Variants in HAT1 observed in about 807,000 individuals in gnomAD.
HAT1 encodes histone acetyltransferase 1.
A neutral mutation model predicts 56.6 loss-of-function variants in HAT1; 20 were observed. The ratio of observed to expected loss-of-function variants is 0.35; its 90% CI spans 0.25 to 0.51. The LOEUF (loss-of-function observed/expected upper bound fraction) is 0.51, where lower values mean the gene tolerates loss of function less well. Among genes scored for constraint, HAT1 ranks in the 20% least tolerant of loss-of-function variants. The pLI is 0.95. For missense variants in HAT1, 408 were observed against 504.3 expected (o/e 0.81, Z 1.83); for synonymous variants, 146 against 165.5 (o/e 0.88, Z 0.91).
Position 171,966,469 on chromosome 2 carries a change from C to T in HAT1, c.672C>T (p.Val224=). 6.3e-7 allele frequency: 1 copy of T among 1,597,088 alleles called. No individual in the cohort carries two copies. Among genetic ancestry groups the T allele is most frequent in the South Asian group, 1.1e-5 (1 of 90,750 alleles). ...TLFATVGYMT[V]YNYYVYPDKT... ...TTGCGACCGTAGGCTACATGACAGT[C>T]TATAATTACTATGTGTACCCAGACA... The change falls in exon 7 of 11, where the codon GTC becomes GTT. Residue 224 remains valine (V), a synonymous_variant. Coordinates refer to ENST00000264108, the MANE Select transcript of HAT1 (RefSeq NM_003642.4).
intron 3 of HAT1, among the ~76,000 whole-genome samples, chr2:171,947,738 G>A (rs1046368626): frequency 6.6e-6 from 1 of 152,144 alleles, no homozygotes; most frequent in Non-Finnish European, 1.5e-5. Flanking sequence ...AATTAGCCAG[G>A]TGTAGTGGCA....
chr2:171,940,000 G>A (rs970776966), intron 2 of HAT1, among the ~76,000 whole-genome samples: 1 of 151,980 alleles, frequency 6.6e-6, no homozygotes, highest in Non-Finnish European at 1.5e-5. Flanking sequence ...CAAACTCCTG[G>A]ACTCAGCGAT....
Position 171,965,791 on chromosome 2 carries a change from A to C in HAT1, c.494A>C (p.Asp165Ala), listed in dbSNP as rs369912305. 3 of 1,612,866 alleles carry C rather than the reference A, an allele frequency of 1.9e-6. No homozygotes were observed. The Admixed American group carries it at 5.0e-5, about 27-fold the overall frequency. ...TTTTCCTGGCTTTTTCCCTAGGCTG[A>C]CATGACATGTAGAGGCTTTCGAGAA... is the stretch of plus-strand genomic sequence containing the variant. ...ENFTFQIYKA[D>A]MTCRGFREYH... Residue 165 changes from aspartate to alanine, a missense_variant, in exon 6 of 11, where the codon GAC becomes GCC. Transcript: ENST00000264108.
chr2:171,946,804 T>C (rs1407474112), intron 3 of HAT1, 21 bp downstream of exon 3: 3 of 1,147,406 alleles, frequency 2.6e-6, no homozygotes, highest in Non-Finnish European at 3.8e-6. Flanking sequence ...TAGTAAAATA[T>C]TTGTCAAATT....
intron 2 of HAT1, among the ~76,000 whole-genome samples, chr2:171,935,562 G>A (rs1372830572): frequency 6.7e-6 from 1 of 150,366 alleles, no homozygotes; most frequent in East Asian, 1.9e-4. Flanking sequence ...TTAAGTCTTG[G>A]TGGGGGCTGA....
At chr2:171,965,282 CAT>C in intron 4 of HAT1, 54 bp from the exon 5 acceptor site, 1 of 1,029,170 alleles carries the variant, frequency 9.7e-7, no homozygotes, top group South Asian at 1.7e-5. Context: ...AGAAATAAAC[CAT>C]ATTCAACTTA....
chr2:171,940,527 G>A (rs1018821785), intron 2 of HAT1, among the ~76,000 whole-genome samples: 1 of 152,200 alleles, frequency 6.6e-6, no homozygotes, highest in East Asian at 1.9e-4. Context: ...CAGTAGTAAA[G>A]GGCTTCTTAG....
At chr2:171,978,495 C>T (rs1688045972) in intron 9 of HAT1, among the ~76,000 whole-genome samples, 1 of 152,166 alleles carries the variant, frequency 6.6e-6, no homozygotes, top group African/African-American at 2.4e-5. Flanking sequence ...TGCCCTTAGA[C>T]TAGAATTTTC....
At chr2:171,979,453 A>G in intron 10 of HAT1, 90 bp downstream of exon 10, 1 of 703,380 alleles carries the variant, frequency 1.4e-6, no homozygotes, top group Non-Finnish European at 2.6e-6. Context: ...GAGAGAGTCC[A>G]AGTCATTTTG....
intron 2 of HAT1, among the ~76,000 whole-genome samples, chr2:171,931,673 C>A (rs770630714): frequency 6.6e-6 from 1 of 151,714 alleles, no homozygotes; most frequent in Non-Finnish European, 1.5e-5. Context: ...GACTGTGTCT[C>A]GGGGGGGAAA....
chr2:171,976,069 C>A (rs1189825752), intron 8 of HAT1, 88 bp from the exon 9 acceptor site: 2 of 635,738 alleles, frequency 3.1e-6, no homozygotes, highest in African/African-American at 4.0e-5. Context: ...TCCTGAGCAG[C>A]CTAGCATATA....
chr2:171,933,161 A>G (rs1558963032), intron 2 of HAT1, among the ~76,000 whole-genome samples: 1 of 151,786 alleles, frequency 6.6e-6, no homozygotes. Context: ...GGCTCAAGTG[A>G]CCCTCTCACC....
chr2:171,935,534 A>AG (rs1232572002), intron 2 of HAT1, among the ~76,000 whole-genome samples: 1 of 149,672 alleles, frequency 6.7e-6, no homozygotes, highest in Non-Finnish European at 1.5e-5. Context: ...AAAAAAAAAA[A>AG]AAAAGACAAA....
rs1255519437 is a variant in HAT1 at position 171,970,337 on chromosome 2, C to G, written c.823+3388C>G. On this transcript the variant is annotated intron_variant, in intron 8 of 10. Transcript: ENST00000264108. ...TCGGGAGGCTGAGGCAGGAGAATCA[C>G]TTGAACCTGTGAGCCGAGATCCTGC... 2.0e-5 allele frequency among the ~76,000 whole-genome samples: 3 copies of G among 151,446 alleles called. No homozygotes were observed. In the East Asian group the frequency reaches 5.9e-4, roughly 30 times the overall value.
At chr2:171,938,317 T>G (rs1362444929) in intron 2 of HAT1, among the ~76,000 whole-genome samples, 1 of 152,102 alleles carries the variant, frequency 6.6e-6, no homozygotes, top group Non-Finnish European at 1.5e-5. Flanking sequence ...GTCCCCAACT[T>G]TTTTGGCACC....
At chr2:171,926,460 AT>A (rs974519519) in intron 2 of HAT1, among the ~76,000 whole-genome samples, 1 of 151,942 alleles carries the variant, frequency 6.6e-6, no homozygotes, top group Admixed American at 6.6e-5. Flanking sequence ...CGCCCGGCTA[AT>A]TTTTTGTATT....
At chr2:171,959,817 C>T (rs1025970632) in intron 4 of HAT1, among the ~76,000 whole-genome samples, 2 of 152,162 alleles carry the variant, frequency 1.3e-5, no homozygotes, top group African/African-American at 4.8e-5. Context: ...AAATTAAATT[C>T]AGGCAGTATT....
intron 4 of HAT1, among the ~76,000 whole-genome samples, chr2:171,963,534 T>G (rs1687621592): frequency 6.6e-6 from 1 of 152,198 alleles, no homozygotes; most frequent in African/African-American, 2.4e-5. Flanking sequence ...AGGAAAGTTT[T>G]TAAAAGTTAA....
At chr2:171,923,442 T>G (rs935144787) in intron 1 of HAT1, 1 of 150,806 alleles carries the variant, frequency 6.6e-6, no homozygotes, top group Non-Finnish European at 1.5e-5. Context: ...AAAAAAACAA[T>G]TTTTTTTAAC....
Sources: allele counts gnomAD v4.1 joint callset (sites outside exome capture counted in the v4.1 genomes callset), GRCh38; gene constraint gnomAD v4.1.1; transcripts MANE v1.5; gene names NCBI Gene and HGNC (gene_info 2026-07-23, HGNC 2026-07-21).